Variants in ASAP1 observed in about 807,000 individuals in gnomAD.
The protein encoded by ASAP1 is ArfGAP with SH3 domain, ankyrin repeat and PH domain 1, also known as arf-GAP with SH3 domain, ANK repeat and PH domain-containing protein 1.
A neutral mutation model predicts 145.2 loss-of-function variants in ASAP1; 43 were observed. That is an observed-to-expected ratio of 0.30 (90% CI 0.23 to 0.38). ASAP1 has a LOEUF of 0.38. Among genes scored for constraint, ASAP1 ranks in the 10% least tolerant of loss-of-function variants. The pLI, the probability that ASAP1 is intolerant of heterozygous loss-of-function variation, is 1.00. For synonymous variants in ASAP1, 546 were observed against 515.5 expected (o/e 1.06, Z -0.80); for missense variants, 1,018 against 1,355.3 (o/e 0.75, Z 3.91).
chr8:130,367,317 CAG>C (rs1246098249), intron 2 of ASAP1, among the ~76,000 whole-genome samples: 2 of 152,268 alleles, frequency 1.3e-5, no homozygotes, highest in East Asian at 3.9e-4. Flanking sequence ...ATAATTCAAA[CAG>C]AAAATAAAGG....
intron 3 of ASAP1, among the ~76,000 whole-genome samples, chr8:130,354,698 T>G (rs941897340): frequency 6.6e-6 from 1 of 152,186 alleles, no homozygotes; most frequent in Admixed American, 6.5e-5. Context: ...AGTAAAACAC[T>G]GGCTTTTTGC....
intron 25 of ASAP1, among the ~76,000 whole-genome samples, chr8:130,089,336 T>C (rs2097500752): frequency 6.6e-6 from 1 of 152,104 alleles, no homozygotes; most frequent in African/African-American, 2.4e-5. Context: ...CATGTTCAGC[T>C]TTGGGGGTGG....
chr8:130,163,929 G>A (rs2097674843), intron 11 of ASAP1, among the ~76,000 whole-genome samples: 2 of 152,138 alleles, frequency 1.3e-5, no homozygotes, highest in African/African-American at 4.8e-5. Flanking sequence ...AAGAGGTAGA[G>A]TCTCAAATCT....
chr8:130,409,401 C>A (rs748730129), intron 1 of ASAP1, among the ~76,000 whole-genome samples: 1 of 152,186 alleles, frequency 6.6e-6, no homozygotes, highest in Non-Finnish European at 1.5e-5. Flanking sequence ...ACAAGTCCTG[C>A]CTCCCTACCA....
chr8:130,181,705 A>T (rs1814369518), intron 7 of ASAP1, among the ~76,000 whole-genome samples: 1 of 152,196 alleles, frequency 6.6e-6, no homozygotes, highest in Non-Finnish European at 1.5e-5. Flanking sequence ...TAAAGAAGAA[A>T]GGCCCACATT....
rs927969341 is a variant in ASAP1 at position 130,374,701 on chromosome 8, G to A, written c.60-16558C>T. Reference sequence around the variant, plus strand: ...GAAGCAGCACAGATGTTAAAGTTGCGCTGAGCAAGTGTGTCTGAATCCTGA... The same window carrying A: ...GAAGCAGCACAGATGTTAAAGTTGCACTGAGCAAGTGTGTCTGAATCCTGA... On this transcript the variant is annotated intron_variant, in intron 2 of 29. Coordinates refer to ENST00000518721, the MANE Select transcript of ASAP1 (RefSeq NM_018482.4). Among the ~76,000 whole-genome samples the A allele has an allele frequency of 3.3e-5, 5 of 152,176 alleles. No individual in the cohort carries two copies. The East Asian group carries it at 5.8e-4, about 18-fold the overall frequency.
intron 4 of ASAP1, among the ~76,000 whole-genome samples, chr8:130,228,622 G>A (rs1357360728): frequency 6.6e-6 from 1 of 150,952 alleles, no homozygotes; most frequent in Non-Finnish European, 1.5e-5. Context: ...GACCACCTGA[G>A]TCCAGGATGG....
intron 13 of ASAP1, among the ~76,000 whole-genome samples, chr8:130,146,141 T>C (rs891952093): frequency 6.6e-6 from 1 of 151,792 alleles, no homozygotes; most frequent in African/African-American, 2.4e-5. Flanking sequence ...GCACCTGGCC[T>C]GAAACATTTT....
chr8:130,417,418 T>C (rs1829530662), intron 1 of ASAP1, among the ~76,000 whole-genome samples: 1 of 152,234 alleles, frequency 6.6e-6, no homozygotes, highest in East Asian at 1.9e-4. Context: ...GGTCGGGACA[T>C]TCCATTGTCA....
chr8:130,397,621 T>C (rs1828594023), intron 2 of ASAP1, among the ~76,000 whole-genome samples: 1 of 152,218 alleles, frequency 6.6e-6, no homozygotes, highest in Admixed American at 6.5e-5. Flanking sequence ...TGACCCCTTC[T>C]TAGTGCCAGT....
chr8:130,131,242 T>C (rs1369960748), intron 15 of ASAP1, among the ~76,000 whole-genome samples: 5 of 152,156 alleles, frequency 3.3e-5, no homozygotes, highest in East Asian at 1.9e-4. Context: ...GAGTCTAACA[T>C]GCATCTGCTC....
At chr8:130,198,009 T>C (rs1282451316) in intron 5 of ASAP1, among the ~76,000 whole-genome samples, 1 of 152,196 alleles carries the variant, frequency 6.6e-6, no homozygotes, top group Non-Finnish European at 1.5e-5. Flanking sequence ...CCATGTCTCA[T>C]TTGCTGGCTC....
chr8:130,111,082 G>A (rs1281771195), intron 24 of ASAP1, among the ~76,000 whole-genome samples: 1 of 151,866 alleles, frequency 6.6e-6, no homozygotes, highest in African/African-American at 2.4e-5. Flanking sequence ...CCTATGAGCG[G>A]GATTCCTCGT....
At chr8:130,322,619 G>A (rs920617492) in intron 3 of ASAP1, among the ~76,000 whole-genome samples, 4 of 152,136 alleles carry the variant, frequency 2.6e-5, no homozygotes, top group African/African-American at 9.7e-5. Context: ...TAATGATGAG[G>A]ACTCAGTTCA....
At chr8:130,372,253 C>T (rs887137510) in intron 2 of ASAP1, among the ~76,000 whole-genome samples, 1 of 152,226 alleles carries the variant, frequency 6.6e-6, no homozygotes, top group African/African-American at 2.4e-5. Context: ...TTTACACAAC[C>T]CTTGCACAAT....
chr8:130,289,010 C>T (rs1458644844), intron 3 of ASAP1, among the ~76,000 whole-genome samples: 1 of 152,158 alleles, frequency 6.6e-6, no homozygotes, highest in Admixed American at 6.5e-5. Context: ...CACAGTGAAA[C>T]CTTGTCTCTA....
At chr8:130,365,652 C>G (rs1420499854) in intron 2 of ASAP1, among the ~76,000 whole-genome samples, 2 of 152,136 alleles carry the variant, frequency 1.3e-5, no homozygotes, top group Admixed American at 6.6e-5. Flanking sequence ...TCTTTTATGG[C>G]CCTTTTCAAT....
intron 2 of ASAP1, among the ~76,000 whole-genome samples, chr8:130,387,213 A>G (rs549449105): frequency 6.6e-6 from 1 of 152,280 alleles, no homozygotes; most frequent in South Asian, 2.1e-4. Flanking sequence ...GGAAGAAGAA[A>G]TGTGAAAATG....
chr8:130,160,714 C>T (rs2097667374), intron 11 of ASAP1: 1 of 1,026,398 alleles, frequency 9.7e-7, no homozygotes, highest in African/African-American at 1.7e-5. Context: ...CAACGTTGAA[C>T]TGCAGAACGA....
Sources: allele counts gnomAD v4.1 joint callset (sites outside exome capture counted in the v4.1 genomes callset), GRCh38; gene constraint gnomAD v4.1.1; transcripts MANE v1.5; gene names NCBI Gene and HGNC (gene_info 2026-07-23, HGNC 2026-07-21).